The following MRTFA variants were observed in gnomAD, a reference collection of about 807,000 sequenced individuals.
The protein encoded by MRTFA is myocardin related transcription factor A.
MRTFA carries 20 observed loss-of-function variants against 83.5 expected under a neutral mutation model. That is an observed-to-expected ratio of 0.24 (90% CI 0.17 to 0.35). MRTFA has a LOEUF of 0.35. MRTFA is among the 10% of genes least tolerant of loss of function. MRTFA has a pLI of 1.00. For synonymous variants in MRTFA, 659 were observed against 541.2 expected (o/e 1.22, Z -3.02); for missense variants, 1,200 against 1,224.7 (o/e 0.98, Z 0.30).
At chr22:40,513,291 T>A (rs2054697946) in intron 3 of MRTFA, among the ~76,000 whole-genome samples, 1 of 152,150 alleles carries the variant, frequency 6.6e-6, no homozygotes, top group South Asian at 2.1e-4. Flanking sequence ...CACTCTTGGT[T>A]TGAGTTTGAG....
chr22:40,522,681 A>G (rs1209378125), intron 3 of MRTFA: 1 of 152,148 alleles, frequency 6.6e-6, no homozygotes, highest in East Asian at 1.9e-4. Flanking sequence ...GTGCACCACC[A>G]TGCCTTGCTA....
chr22:40,624,244 T>C (rs1226476773), intron 1 of MRTFA, among the ~76,000 whole-genome samples: 1 of 151,906 alleles, frequency 6.6e-6, no homozygotes, highest in African/African-American at 2.4e-5. Flanking sequence ...GCCAACACAG[T>C]GAAACTCCGT....
chr22:40,460,835 T>C (rs1326302159), intron 4 of MRTFA, among the ~76,000 whole-genome samples: 2 of 152,196 alleles, frequency 1.3e-5, no homozygotes, highest in Admixed American at 6.5e-5. Flanking sequence ...GTAAATAGTC[T>C]GGCAGTGAAC....
At chr22:40,534,988 A>AG (rs1268712483) in intron 3 of MRTFA, among the ~76,000 whole-genome samples, 2 of 152,218 alleles carry the variant, frequency 1.3e-5, no homozygotes, top group Non-Finnish European at 2.9e-5. Flanking sequence ...ATTTGGGGTG[A>AG]GGGAGACTCA....
At chr22:40,583,713 C>T (rs2055983044) in intron 2 of MRTFA, among the ~76,000 whole-genome samples, 1 of 152,154 alleles carries the variant, frequency 6.6e-6, no homozygotes, top group Admixed American at 6.5e-5. Flanking sequence ...AATACACATA[C>T]AAGGGATCTA....
intron 2 of MRTFA, among the ~76,000 whole-genome samples, chr22:40,572,379 G>A (rs1383551251): frequency 6.6e-6 from 1 of 152,036 alleles, no homozygotes; most frequent in Non-Finnish European, 1.5e-5. Flanking sequence ...AAAGGTTGAG[G>A]TCTGAGAATC....
rs963496379 is a variant in MRTFA at position 40,410,551 on chromosome 22, C to G, written c.*839G>C. 3.4e-5 allele frequency: 8 copies of G among 233,296 alleles called. No individual in the cohort carries two copies. Among genetic ancestry groups the G allele is most frequent in the Admixed American group, 1.1e-4 (2 of 17,776 alleles). The allele number at this position is 233,296 out of a possible 1,614,324, so 14.5% of individuals were successfully genotyped here. The stretch of plus-strand genomic sequence containing the variant: ...GGTGGAGAGCTCCTGGCAGGAAGGC[C>G]AGGTAGCACCTCTGCCCTCATGGCA... On this transcript the variant is annotated 3_prime_UTR_variant, in exon 15 of 15. Transcript: ENST00000355630.
At chr22:40,595,194 A>C (rs2056174372) in intron 1 of MRTFA, among the ~76,000 whole-genome samples, 1 of 141,308 alleles carries the variant, frequency 7.1e-6, no homozygotes, top group Non-Finnish European at 1.5e-5. Context: ...ATCTCAGCTC[A>C]CTGCAACCTC....
intron 1 of MRTFA, among the ~76,000 whole-genome samples, chr22:40,616,839 T>C (rs1249439525): frequency 1.3e-5 from 2 of 152,134 alleles, no homozygotes; most frequent in African/African-American, 4.8e-5. Context: ...GGCTCACGTC[T>C]GTAATCCCAG....
intron 2 of MRTFA, among the ~76,000 whole-genome samples, chr22:40,561,901 G>A (rs2055623798): frequency 1.3e-5 from 2 of 152,130 alleles, no homozygotes. Flanking sequence ...AGGACTGGCA[G>A]CTTCTACTTT....
intron 3 of MRTFA, among the ~76,000 whole-genome samples, chr22:40,488,562 C>A (rs2054212076): frequency 6.6e-6 from 1 of 151,866 alleles, no homozygotes; most frequent in African/African-American, 2.4e-5. Flanking sequence ...GGTGCAGTGG[C>A]TCATGCCTGT....
chr22:40,501,071 G>A (rs2054464608), intron 3 of MRTFA, among the ~76,000 whole-genome samples: 2 of 112,578 alleles, frequency 1.8e-5, no homozygotes, highest in African/African-American at 7.6e-5. Flanking sequence ...CGGGCAGAGG[G>A]GCTCCTCACT....
chr22:40,539,800 CCGA>C (rs569641400), intron 3 of MRTFA, among the ~76,000 whole-genome samples: 167 of 152,218 alleles, frequency 1.1e-3, no homozygotes, highest in African/African-American at 3.8e-3. Context: ...CCGCGCCCAG[CCGA>C]CGACAACTAT....
chr22:40,485,866 T>C (rs186704497), intron 3 of MRTFA, among the ~76,000 whole-genome samples: 3 of 152,270 alleles, frequency 2.0e-5, no homozygotes, highest in Non-Finnish European at 2.9e-5. Flanking sequence ...GACTCAGAGA[T>C]TAACGTAGTC....
intron 2 of MRTFA, chr22:40,587,218 T>C (rs1464161307): frequency 4.3e-6 from 2 of 470,448 alleles, no homozygotes; most frequent in Admixed American, 4.7e-5. Flanking sequence ...TTACACCAAG[T>C]GCCACACAAT....
At chr22:40,560,225 TA>T (rs1251320377) in intron 2 of MRTFA, among the ~76,000 whole-genome samples, 1 of 152,232 alleles carries the variant, frequency 6.6e-6, no homozygotes, top group African/African-American at 2.4e-5. Flanking sequence ...ATTATGCTAT[TA>T]TCTCTACATT....
chr22:40,441,231 A>G (rs1432506026), intron 4 of MRTFA, among the ~76,000 whole-genome samples: 1 of 152,210 alleles, frequency 6.6e-6, no homozygotes, highest in African/African-American at 2.4e-5. Context: ...GAAAATCCTG[A>G]AAGGAAAAAT....
chr22:40,516,290 G>A (rs1602368036), intron 3 of MRTFA, among the ~76,000 whole-genome samples: 1 of 151,940 alleles, frequency 6.6e-6, no homozygotes, highest in African/African-American at 2.4e-5. Flanking sequence ...GTGGTGGCAG[G>A]TGCCTTGTAG....
At chr22:40,561,212 C>G (rs113726368) in intron 2 of MRTFA, among the ~76,000 whole-genome samples, 4 of 146,006 alleles carry the variant, frequency 2.7e-5, no homozygotes, top group East Asian at 2.0e-4. Flanking sequence ...GTGTGTGTGT[C>G]TGTGTGTGTG....
Sources: gnomAD v4.1 joint callset for allele counts (sites outside exome capture counted in the v4.1 genomes callset) on GRCh38, gnomAD v4.1.1 for gene constraint, MANE v1.5 for transcripts, NCBI Gene and HGNC (gene_info 2026-07-23, HGNC 2026-07-21) for gene names.